Variants in NPAS3 observed in about 807,000 individuals in gnomAD.
NPAS3 encodes neuronal PAS domain protein 3.
NPAS3 carries 14 observed loss-of-function variants against 73.1 expected under a neutral mutation model. That is an observed-to-expected ratio of 0.19 (90% CI 0.13 to 0.30). NPAS3 has a LOEUF of 0.30. Ranked by LOEUF, NPAS3 falls within the 10% of genes least tolerant of loss-of-function variation. NPAS3 has a pLI of 1.00. For synonymous variants in NPAS3, 620 were observed against 541.5 expected, an observed-to-expected ratio of 1.14 and a Z score of -2.01; for missense variants, 1,096 against 1,250.0, an observed-to-expected ratio of 0.88 and a Z score of 1.86.
chr14:33,491,020 T>C (rs1204220163), intron 4 of NPAS3, among the ~76,000 whole-genome samples: 1 of 152,140 alleles, frequency 6.6e-6, no homozygotes, highest in Non-Finnish European at 1.5e-5. Flanking sequence ...ATCTGTTCAG[T>C]TTTTCTATCT....
intron 3 of NPAS3, among the ~76,000 whole-genome samples, chr14:33,248,749 T>A (rs1231131216): frequency 3.3e-5 from 5 of 152,214 alleles, no homozygotes; most frequent in Non-Finnish European, 7.3e-5. Flanking sequence ...TTCTTCCTCT[T>A]CAAATGTCGT....
At chr14:33,101,740 A>G (rs560022319) in intron 2 of NPAS3, among the ~76,000 whole-genome samples, 9 of 152,190 alleles carry the variant, frequency 5.9e-5, no homozygotes, top group Non-Finnish European at 1.0e-4. Context: ...AATTTATGTT[A>G]ATGCCCCCAG....
chr14:33,420,203 G>A (rs1320348145), intron 4 of NPAS3, among the ~76,000 whole-genome samples: 1 of 151,904 alleles, frequency 6.6e-6, no homozygotes, highest in African/African-American at 2.4e-5. Flanking sequence ...GCCAAGTAAG[G>A]ATTTTCACTT....
chr14:33,060,329 C>T lies in NPAS3; in HGVS notation c.140+4335C>T, dbSNP rs77162853. On this transcript the variant is annotated intron_variant, in intron 2 of 11. Transcript: ENST00000356141. ...TAAAGCCAAGAACAATCCGTTCACC[C>T]GTATTTAGAAAAGATGGAGTGAGTC... 2.5e-3 allele frequency among the ~76,000 whole-genome samples: 383 copies of T among 152,182 alleles called. 1 individual carries two copies. Among genetic ancestry groups the T allele is most frequent in the African/African-American group, 7.3e-3 (301 of 41,516 alleles).
chr14:33,667,912 T>C (rs2059500858), intron 5 of NPAS3, among the ~76,000 whole-genome samples: 2 of 152,190 alleles, frequency 1.3e-5, no homozygotes, highest in Admixed American at 6.5e-5. Context: ...TCCAAGATTT[T>C]TTTTTTAATT....
intron 6 of NPAS3, among the ~76,000 whole-genome samples, chr14:33,713,208 A>G (rs2891251): frequency 0.34 from 52,043 of 152,118 alleles, 10,524 homozygotes; most frequent in Non-Finnish European, 0.47. Flanking sequence ...CTCATATAGT[A>G]AGTCGAGAGC....
At chr14:33,166,060 C>G (rs745779980) in intron 2 of NPAS3, among the ~76,000 whole-genome samples, 1 of 152,172 alleles carries the variant, frequency 6.6e-6, no homozygotes, top group Non-Finnish European at 1.5e-5. Flanking sequence ...CCATGCCTCC[C>G]CATGTGCTTC....
intron 6 of NPAS3, among the ~76,000 whole-genome samples, chr14:33,689,307 C>T (rs1289175550): frequency 1.3e-5 from 2 of 152,164 alleles, no homozygotes; most frequent in African/African-American, 4.8e-5. Context: ...TATATTAACA[C>T]GTCTTATAAG....
chr14:33,288,656 T>C (rs537389535), intron 3 of NPAS3, among the ~76,000 whole-genome samples: 1 of 151,916 alleles, frequency 6.6e-6, no homozygotes, highest in Non-Finnish European at 1.5e-5. Context: ...AGGAGAGAGT[T>C]TACATTTGGT....
At chr14:33,637,625 A>G (rs528676362) in intron 5 of NPAS3, among the ~76,000 whole-genome samples, 2 of 152,212 alleles carry the variant, frequency 1.3e-5, no homozygotes, top group African/African-American at 4.8e-5. Flanking sequence ...ACATAAAATC[A>G]ATACATCTTA....
intron 1 of NPAS3, among the ~76,000 whole-genome samples, chr14:32,942,635 T>C (rs1413795120): frequency 6.6e-6 from 1 of 152,234 alleles, no homozygotes; most frequent in Admixed American, 6.5e-5. Context: ...GATATGCCCA[T>C]GCTGATTTGC....
rs35106729 is a variant in NPAS3 at position 33,521,513 on chromosome 14, TAAAA to T, written c.469-38592_469-38589del. Among the ~76,000 whole-genome samples the T allele has an allele frequency of 1.9e-3, 248 of 133,048 alleles. 1 individual carries two copies. The highest frequency in any genetic ancestry group is 4.1e-3 in the Middle Eastern group (1 of 246). The allele number at this position is 133,048 out of a possible 152,430, so 87.3% of individuals were successfully genotyped here. On this transcript the variant is annotated intron_variant, in intron 4 of 11. Transcript: ENST00000356141. ...GATGATTTGGAGAGATGATCTGCTT[TAAAA>T]AAAAAAAAAAAAAAAGGCACATTAG...
intron 2 of NPAS3, among the ~76,000 whole-genome samples, chr14:33,198,130 T>C (rs1354428656): frequency 6.6e-6 from 1 of 151,952 alleles, no homozygotes; most frequent in Non-Finnish European, 1.5e-5. Context: ...GCCTCAGGAG[T>C]GAAACTGCAG....
chr14:33,651,948 C>T (rs1249102275), intron 5 of NPAS3, among the ~76,000 whole-genome samples: 2 of 152,146 alleles, frequency 1.3e-5, no homozygotes, highest in African/African-American at 2.4e-5. Flanking sequence ...AGCATGGCAG[C>T]CTGCTACCCA....
intron 4 of NPAS3, among the ~76,000 whole-genome samples, chr14:33,535,872 G>A (rs1041422026): frequency 2.0e-5 from 3 of 152,068 alleles, no homozygotes; most frequent in Non-Finnish European, 2.9e-5. Flanking sequence ...TTTTCTATCA[G>A]CATTGATGGA....
intron 5 of NPAS3, among the ~76,000 whole-genome samples, chr14:33,588,629 G>T (rs1307840501): frequency 6.6e-6 from 1 of 152,080 alleles, no homozygotes; most frequent in Non-Finnish European, 1.5e-5. Flanking sequence ...TGTTGTTGCT[G>T]CTGAGATGGA....
At chr14:32,953,521 G>T (rs1290165678) in intron 1 of NPAS3, among the ~76,000 whole-genome samples, 1 of 152,136 alleles carries the variant, frequency 6.6e-6, no homozygotes, top group East Asian at 1.9e-4. Context: ...TACTGAAACA[G>T]CATCTTCATA....
At chr14:33,287,206 T>G (rs1397491416) in intron 3 of NPAS3, among the ~76,000 whole-genome samples, 2 of 152,208 alleles carry the variant, frequency 1.3e-5, no homozygotes, top group Non-Finnish European at 2.9e-5. Context: ...TGTGAAGCTT[T>G]CTTCTTTTTA....
chr14:33,596,734 G>C (rs2057254220), intron 5 of NPAS3, among the ~76,000 whole-genome samples: 1 of 152,212 alleles, frequency 6.6e-6, no homozygotes. Context: ...CAAATGGGTT[G>C]CTGTTCTCTG....
Sources: gnomAD v4.1 joint callset for allele counts (sites outside exome capture counted in the v4.1 genomes callset) on GRCh38, gnomAD v4.1.1 for gene constraint, MANE v1.5 for transcripts, NCBI Gene and HGNC (gene_info 2026-07-23, HGNC 2026-07-21) for gene names.